CNGA1: variants seen among roughly 807,000 people sequenced by gnomAD.
The protein encoded by CNGA1 is cyclic nucleotide-gated channel alpha-1.
In CNGA1, 53 loss-of-function variants were observed where a neutral mutation model predicts 69.7. That is an observed-to-expected ratio of 0.76 (90% CI 0.61 to 0.96). The LOEUF (loss-of-function observed/expected upper bound fraction) is 0.96, where lower values mean the gene tolerates loss of function less well. Ranked by LOEUF, CNGA1 falls within the 40% of genes least tolerant of loss-of-function variation. The pLI is 0.00. For synonymous variants in CNGA1, 249 were observed against 283.5 expected (o/e 0.88, Z 1.22); for missense variants, 739 against 811.2 (o/e 0.91, Z 1.08).
chr4:48,001,743 C>T (rs1331768871), intron 2 of CNGA1, among the ~76,000 whole-genome samples: 1 of 152,178 alleles, frequency 6.6e-6, no homozygotes, highest in African/African-American at 2.4e-5. Context: ...ACATTCTTTT[C>T]TATTTAACTT....
intron 2 of CNGA1, among the ~76,000 whole-genome samples, chr4:48,003,386 C>T (rs939133992): frequency 2.0e-5 from 3 of 152,130 alleles, no homozygotes; most frequent in Admixed American, 1.3e-4. Flanking sequence ...TAAGCAGTTA[C>T]CAACTTAACT....
chr4:47,976,220 C>CAT (rs1230676045), intron 3 of CNGA1, among the ~76,000 whole-genome samples: 2 of 53,466 alleles, frequency 3.7e-5, no homozygotes, highest in South Asian at 4.9e-4. Context: ...TATACACATA[C>CAT]ATATATATAT....
chr4:47,955,656 G>C (rs1740045444), intron 3 of CNGA1, among the ~76,000 whole-genome samples: 2 of 152,134 alleles, frequency 1.3e-5, no homozygotes, highest in African/African-American at 4.8e-5. Flanking sequence ...GTCCAAATAG[G>C]TGTTATCCAT....
At chr4:47,949,775 AT>A in intron 6 of CNGA1, 57 bp downstream of exon 6, 1 of 1,319,902 alleles carries the variant, frequency 7.6e-7, no homozygotes, top group South Asian at 1.2e-5. Flanking sequence ...ATATTCCTAC[AT>A]TTTTACTGGT....
intron 3 of CNGA1, among the ~76,000 whole-genome samples, chr4:47,954,002 C>A (rs956988554): frequency 7.2e-5 from 11 of 152,112 alleles, no homozygotes; most frequent in African/African-American, 2.7e-4. Context: ...CACGTCCCCC[C>A]CATCCTGTGC....
chr4:48,014,321 T>C (rs895370878), intron 1 of CNGA1, among the ~76,000 whole-genome samples: 27 of 152,200 alleles, frequency 1.8e-4, no homozygotes, highest in African/African-American at 3.1e-4. Flanking sequence ...AAAATACATA[T>C]TATAAATTTC....
intron 3 of CNGA1, among the ~76,000 whole-genome samples, chr4:47,977,508 G>A (rs1472377057): frequency 1.3e-5 from 2 of 152,166 alleles, no homozygotes; most frequent in African/African-American, 2.4e-5. Flanking sequence ...TAGGATGTCT[G>A]AGTGCTCATG....
intron 3 of CNGA1, among the ~76,000 whole-genome samples, chr4:47,974,499 G>T (rs1741242601): frequency 6.7e-6 from 1 of 149,906 alleles, no homozygotes; most frequent in Non-Finnish European, 1.5e-5. Context: ...ATAAGGTCTG[G>T]ACATTTGTGT....
At chr4:47,944,218 G>A (rs1003587374) in intron 6 of CNGA1, among the ~76,000 whole-genome samples, 5 of 152,154 alleles carry the variant, frequency 3.3e-5, no homozygotes, top group African/African-American at 1.2e-4. Flanking sequence ...TTGAGAAGAA[G>A]AGAGAGGATG....
chr4:47,952,854 G>A (rs1739829157), intron 3 of CNGA1, 151 bp from the exon 4 acceptor site: 2 of 458,678 alleles, frequency 4.4e-6, no homozygotes, highest in Non-Finnish European at 7.1e-6. Context: ...GAGGTTTAAT[G>A]GACTTGTAGC....
chr4:48,008,146 C>G (rs1355358457), intron 2 of CNGA1, among the ~76,000 whole-genome samples: 1 of 151,812 alleles, frequency 6.6e-6, no homozygotes, highest in Non-Finnish European at 1.5e-5. Flanking sequence ...TGTAATTTCC[C>G]TTTAACTACA....
At chr4:47,991,794 T>A (rs1181926434) in intron 2 of CNGA1, among the ~76,000 whole-genome samples, 1 of 152,230 alleles carries the variant, frequency 6.6e-6, no homozygotes, top group Non-Finnish European at 1.5e-5. Flanking sequence ...ATTTGTATAG[T>A]TTCAGGTCTT....
At chr4:47,979,108 C>T (rs984938896) in intron 3 of CNGA1, among the ~76,000 whole-genome samples, 3 of 151,978 alleles carry the variant, frequency 2.0e-5, no homozygotes, top group African/African-American at 7.2e-5. Context: ...ATAGCTTGAG[C>T]TCAGGAGTTT....
At chr4:47,986,612 C>A (rs1168945493) in intron 2 of CNGA1, among the ~76,000 whole-genome samples, 1 of 151,966 alleles carries the variant, frequency 6.6e-6, no homozygotes, top group Non-Finnish European at 1.5e-5. Flanking sequence ...AAAATTTGCT[C>A]AAATGTTTGT....
At chr4:47,981,282 A>G (rs988786237) in intron 3 of CNGA1, 111 bp downstream of exon 3, 1 of 152,360 alleles carries the variant, frequency 6.6e-6, no homozygotes, top group East Asian at 1.9e-4. Context: ...GTATCTAGAG[A>G]GCACATCACA....
intron 9 of CNGA1, among the ~76,000 whole-genome samples, chr4:47,941,174 A>G (rs1019119294): frequency 2.0e-5 from 3 of 152,228 alleles, no homozygotes; most frequent in Non-Finnish European, 4.4e-5. Flanking sequence ...AATAAATTCA[A>G]TGTTTGATAG....
At chr4:47,988,383 A>G (rs1014719448) in intron 2 of CNGA1, among the ~76,000 whole-genome samples, 4 of 152,204 alleles carry the variant, frequency 2.6e-5, no homozygotes, top group Non-Finnish European at 4.4e-5. Context: ...TCAGTGCCTC[A>G]GTAATATTCA....
chr4:47,967,211 G>A lies in CNGA1; in HGVS notation c.-15+14182C>T, dbSNP rs576371672. Among the ~76,000 whole-genome samples the A allele has an allele frequency of 1.3e-3, 204 of 152,266 alleles. 1 individual carries two copies. Among genetic ancestry groups the A allele is most frequent in the African/African-American group, 4.3e-3 (179 of 41,560 alleles). ...CCAGCTACTTGGAAAGCTGAGGCAG[G>A]AGAATCACTTGAACCCAGGAGACAG... is the stretch of plus-strand genomic sequence containing the variant. On this transcript the variant is annotated intron_variant, in intron 3 of 10. Coordinates refer to ENST00000514170, the MANE Select transcript of CNGA1 (RefSeq NM_001379270.1).
Position 47,936,122 on chromosome 4 carries a change from A to G in CNGA1, c.*299T>C, listed in dbSNP as rs1212717994. ...AAGTGAGGGCTACTTATTCATTTTT[A>G]TGAAGAATATTACATAAAATGAGCG... On this transcript the variant is annotated 3_prime_UTR_variant, in exon 11 of 11. Transcript: ENST00000514170. 1 of 417,358 alleles carries G rather than the reference A, an allele frequency of 2.4e-6. No individual in the cohort carries two copies. Among genetic ancestry groups the G allele is most frequent in the African/African-American group, 2.0e-5 (1 of 49,808 alleles). The allele number at this position is 417,358 out of a possible 1,614,324, so 25.9% of individuals were successfully genotyped here. A position where few individuals can be genotyped will look rare whatever the true frequency, so the allele number is the denominator to read the frequency against.
Sources: gnomAD v4.1 joint callset for allele counts (sites outside exome capture counted in the v4.1 genomes callset) on GRCh38, gnomAD v4.1.1 for gene constraint, MANE v1.5 for transcripts, NCBI Gene and HGNC (gene_info 2026-07-23, HGNC 2026-07-21) for gene names.